The following NBEA variants were observed in gnomAD, a reference collection of about 807,000 sequenced individuals.
NBEA encodes the protein lysosomal-trafficking regulator 2.
Under a neutral mutation model 343.4 loss-of-function variants are expected in NBEA, and 44 were observed. The observed-to-expected ratio is 0.13, with a 90% CI of 0.10 to 0.16. NBEA has a LOEUF of 0.16. NBEA is among the 10% of genes least tolerant of loss of function. The pLI, the probability that NBEA is intolerant of heterozygous loss-of-function variation, is 1.00. For synonymous variants in NBEA, 1,175 were observed against 1,238.7 expected, an observed-to-expected ratio of 0.95 and a Z score of 1.08; for missense variants, 2,555 against 3,631.3, an observed-to-expected ratio of 0.70 and a Z score of 7.62.
chr13:35,665,156 G>A lies in NBEA; in HGVS notation c.8434G>A (p.Glu2812Lys). ...HEVVCVSVCA[E>K]LGLVISGAKE... is the part of the protein sequence containing the mutation. The stretch of plus-strand genomic sequence containing the variant: ...AGTTGTCTGTGTTTCTGTCTGTGCA[G>A]AACTTGGGCTTGTTATCAGTGGTGC... Residue 2812 changes from glutamate (E) to lysine (K), a missense_variant, in exon 56 of 59, where the codon GAA becomes AAA. By Grantham distance (56) the Glu-to-Lys change is moderately conservative (BLOSUM62 1). Coordinates refer to ENST00000379939, the MANE Select transcript of NBEA (RefSeq NM_001385012.1). 6.3e-7 allele frequency: 1 copy of A among 1,591,942 alleles called. No individual in the cohort carries two copies. The highest frequency in any genetic ancestry group is 8.6e-7 in the Non-Finnish European group (1 of 1,167,368).
At chr13:35,494,364 A>G (rs1357333311) in intron 41 of NBEA, among the ~76,000 whole-genome samples, 1 of 152,030 alleles carries the variant, frequency 6.6e-6, no homozygotes, top group African/African-American at 2.4e-5. Context: ...GTCTGCCTCA[A>G]ATCCTGTGGG....
chr13:35,605,315 A>G (rs1448994187), intron 47 of NBEA, among the ~76,000 whole-genome samples: 16 of 152,184 alleles, frequency 1.1e-4, no homozygotes, highest in Non-Finnish European at 2.4e-4. Context: ...ATGAATGCCC[A>G]CTTAAAACAG....
chr13:35,081,298 T>A (rs563916280), intron 10 of NBEA, among the ~76,000 whole-genome samples: 1 of 152,272 alleles, frequency 6.6e-6, no homozygotes, highest in African/African-American at 2.4e-5. Context: ...TTTCTGTATT[T>A]GTGGTGAAAA....
At chr13:35,087,466 C>T (rs1421426802) in intron 10 of NBEA, among the ~76,000 whole-genome samples, 1 of 151,766 alleles carries the variant, frequency 6.6e-6, no homozygotes, top group African/African-American at 2.4e-5. Flanking sequence ...AAGCATGAGC[C>T]ACTATTAACA....
At chr13:35,296,588 C>A (rs1447627029) in intron 35 of NBEA, among the ~76,000 whole-genome samples, 1 of 151,950 alleles carries the variant, frequency 6.6e-6, no homozygotes, top group Non-Finnish European at 1.5e-5. Flanking sequence ...AGCCCACCTC[C>A]CTGACCTAAA....
intron 35 of NBEA, among the ~76,000 whole-genome samples, chr13:35,306,898 G>T (rs1310003143): frequency 6.6e-6 from 1 of 151,806 alleles, no homozygotes; most frequent in Non-Finnish European, 1.5e-5. Flanking sequence ...TCCTCGTTTT[G>T]TTTATACTTC....
chr13:35,257,999 T>G (rs565893991), intron 34 of NBEA, among the ~76,000 whole-genome samples: 5 of 152,198 alleles, frequency 3.3e-5, no homozygotes, highest in African/African-American at 1.2e-4. Flanking sequence ...GATTTTAATA[T>G]TTATTATTTT....
intron 38 of NBEA, among the ~76,000 whole-genome samples, chr13:35,406,105 G>C (rs2043255442): frequency 6.6e-6 from 1 of 152,080 alleles, no homozygotes; most frequent in African/African-American, 2.4e-5. Context: ...CACATTTGTG[G>C]TAATAGAGAG....
In NBEA at chr13:35,583,888, C is replaced by A. The variant is rs567996844; in HGVS notation, c.7036-10C>A. The A allele has an allele frequency of 8.8e-6, 14 of 1,591,958 alleles. No homozygotes were observed. In the African/African-American group the frequency reaches 1.8e-4, roughly 20 times the overall value. ...CTGTATTAAACAAAATATTTTTTTT[C>A]TTTTAATAGCCAATTGGTGCTTTGA... On this transcript the variant is annotated splice_polypyrimidine_tract_variant and intron_variant, in intron 45 of 58. Transcript: ENST00000379939.
chr13:35,312,476 G>T (rs2037433806), intron 36 of NBEA, among the ~76,000 whole-genome samples: 1 of 152,194 alleles, frequency 6.6e-6, no homozygotes, highest in Non-Finnish European at 1.5e-5. Context: ...AATGCATGTT[G>T]TATGCCAGCC....
rs775772065 is a variant in NBEA at position 35,432,254 on chromosome 13, T to C, written c.6180-15T>C. 4 of 1,582,530 alleles carry C rather than the reference T, an allele frequency of 2.5e-6. No individual in the cohort carries two copies. The highest frequency in any genetic ancestry group is 2.3e-5 in the East Asian group (1 of 44,122). On this transcript the variant is annotated splice_polypyrimidine_tract_variant and intron_variant, in intron 38 of 58. Coordinates refer to ENST00000379939, the MANE Select transcript of NBEA (RefSeq NM_001385012.1). ...TGTTATTAATAGGGATTACTTTTTT[T>C]CCCTCTACTCTTAGCCAATTGCATG... is the stretch of plus-strand genomic sequence containing the variant.
intron 49 of NBEA, among the ~76,000 whole-genome samples, chr13:35,634,127 G>A (rs1394391672): frequency 2.6e-5 from 4 of 152,214 alleles, no homozygotes; most frequent in African/African-American, 7.2e-5. Context: ...GGCAGATCAC[G>A]AGGTCAGGAG....
chr13:35,235,316 C>T (rs931686474), intron 34 of NBEA, among the ~76,000 whole-genome samples: 1 of 152,118 alleles, frequency 6.6e-6, no homozygotes, highest in African/African-American at 2.4e-5. Flanking sequence ...GTTCAGTAAA[C>T]ATCATTGAAA....
chr13:35,366,677 C>T (rs2041137086), intron 38 of NBEA, among the ~76,000 whole-genome samples: 1 of 149,520 alleles, frequency 6.7e-6, no homozygotes, highest in Non-Finnish European at 1.5e-5. Flanking sequence ...CTCTTTCCCC[C>T]AATGTAAGCA....
intron 1 of NBEA, among the ~76,000 whole-genome samples, chr13:34,999,947 C>A (rs1254944032): frequency 1.3e-5 from 2 of 152,150 alleles, no homozygotes; most frequent in African/African-American, 2.4e-5. Flanking sequence ...TGATGCCCAT[C>A]ATCCGTCGGT....
At chr13:35,124,795 T>C (rs541068506) in intron 17 of NBEA, among the ~76,000 whole-genome samples, 27 of 130,754 alleles carry the variant, frequency 2.1e-4, no homozygotes, top group African/African-American at 4.1e-4. Flanking sequence ...TATACACACA[T>C]ATATGGATAT....
chr13:35,047,036 A>G (rs1384397544), intron 4 of NBEA, among the ~76,000 whole-genome samples: 1 of 152,082 alleles, frequency 6.6e-6, no homozygotes, highest in Admixed American at 6.6e-5. Context: ...AAGTTCATCT[A>G]TTAGATCAAG....
At chr13:35,066,239 G>A (rs868468939) in intron 8 of NBEA, among the ~76,000 whole-genome samples, 3 of 152,138 alleles carry the variant, frequency 2.0e-5, no homozygotes, top group Non-Finnish European at 4.4e-5. Context: ...GTGATTACAG[G>A]CATGAGCCAC....
At chr13:34,980,577 G>A (rs1006423508) in intron 1 of NBEA, among the ~76,000 whole-genome samples, 1 of 151,902 alleles carries the variant, frequency 6.6e-6, no homozygotes, top group Non-Finnish European at 1.5e-5. Flanking sequence ...GTGTCCTTTG[G>A]GAGGTGATTA....
Sources: allele counts gnomAD v4.1 joint callset (sites outside exome capture counted in the v4.1 genomes callset), GRCh38; gene constraint gnomAD v4.1.1; transcripts MANE v1.5; gene names NCBI Gene and HGNC (gene_info 2026-07-23, HGNC 2026-07-21).